Variants in CDK15 observed in about 807,000 individuals in gnomAD.
CDK15 encodes the protein cyclin dependent kinase 15.
Under a neutral mutation model 60.3 loss-of-function variants are expected in CDK15, and 62 were observed. The ratio of observed to expected loss-of-function variants is 1.03; its 90% CI spans 0.84 to 1.27. The LOEUF (loss-of-function observed/expected upper bound fraction) is 1.27. Ranked by LOEUF, CDK15 falls within the 50% of genes most tolerant of loss-of-function variation. CDK15 has a pLI of 0.00. For synonymous variants in CDK15, 194 were observed against 195.7 expected (o/e 0.99, Z 0.07); for missense variants, 541 against 527.8 (o/e 1.03, Z -0.25).
intron 8 of CDK15, among the ~76,000 whole-genome samples, chr2:201,838,296 C>A (rs115718069): frequency 0.015 from 2,353 of 151,988 alleles, 30 homozygotes; most frequent in African/African-American, 0.032. Flanking sequence ...TGGGTAGAGA[C>A]CAGGGATACT....
chr2:201,833,441 T>C (rs1370798772), intron 6 of CDK15, among the ~76,000 whole-genome samples: 1 of 152,196 alleles, frequency 6.6e-6, no homozygotes. Flanking sequence ...TTGTAAACTT[T>C]AGAATATCAT....
intron 6 of CDK15, among the ~76,000 whole-genome samples, chr2:201,825,517 A>G (rs550596566): frequency 1.1e-4 from 16 of 152,138 alleles, no homozygotes; most frequent in Non-Finnish European, 1.8e-4. Context: ...AAAAAAAATT[A>G]AAATACCAGT....
chr2:201,835,591 G>A, intron 7 of CDK15, 52 bp from the exon 8 acceptor site: 1 of 1,469,672 alleles, frequency 6.8e-7, no homozygotes, highest in South Asian at 1.5e-5. Context: ...GTGCATCATG[G>A]TGCAAGCCAA....
At chr2:201,867,918 C>G (rs1377824611) in intron 10 of CDK15, among the ~76,000 whole-genome samples, 1 of 152,196 alleles carries the variant, frequency 6.6e-6, no homozygotes, top group African/African-American at 2.4e-5. Flanking sequence ...GATTTGGAAA[C>G]TTCTCAATTA....
intron 6 of CDK15, chr2:201,824,742 C>A: frequency 1.6e-6 from 1 of 638,506 alleles, no homozygotes; most frequent in Non-Finnish European, 2.2e-6. Flanking sequence ...CATATATCAT[C>A]AAAGTTATCC....
chr2:201,892,969 A>T (rs1699684145), intron 13 of CDK15, among the ~76,000 whole-genome samples: 1 of 152,190 alleles, frequency 6.6e-6, no homozygotes, highest in Non-Finnish European at 1.5e-5. Flanking sequence ...ATAGAGGGGA[A>T]CTAAAATTTA....
chr2:201,814,976 A>G (rs1695928476), intron 4 of CDK15, among the ~76,000 whole-genome samples: 1 of 144,736 alleles, frequency 6.9e-6, no homozygotes, highest in African/African-American at 2.6e-5. Context: ...TTTGAGACGA[A>G]GTTTTGCTCT....
At chr2:201,862,253 G>T (rs1213999413) in intron 10 of CDK15, among the ~76,000 whole-genome samples, 3 of 152,188 alleles carry the variant, frequency 2.0e-5, no homozygotes, top group African/African-American at 7.2e-5. Flanking sequence ...TGGGTATCTA[G>T]TAAGGGCTAC....
chr2:201,861,546 G>A, intron 10 of CDK15: 1 of 928,076 alleles, frequency 1.1e-6, no homozygotes, highest in Non-Finnish European at 1.3e-6. Flanking sequence ...TTTTTTTGTT[G>A]GTTTGTTTTT....
At chr2:201,865,628 G>T (rs553466386) in intron 10 of CDK15, among the ~76,000 whole-genome samples, 1 of 152,224 alleles carries the variant, frequency 6.6e-6, no homozygotes, top group African/African-American at 2.4e-5. Context: ...AGTGGCTCAC[G>T]CCTTTAATCC....
Position 201,880,165 on chromosome 2 carries a change from A to G in CDK15, c.1196A>G (p.Asp399Gly). The G allele has an allele frequency of 1.2e-6, 2 of 1,613,764 alleles. No individual in the cohort carries two copies. The highest frequency in any genetic ancestry group is 1.7e-6 in the Non-Finnish European group (2 of 1,179,890). Residue 399 changes from aspartate to glycine, a missense_variant and splice_region_variant, in exon 12 of 14, where the codon GAT (aspartate) becomes GGT (glycine). Physicochemically the swap from Asp to Gly is moderately conservative, Grantham distance 94 (BLOSUM62 -1). Transcript: ENST00000652192. ...ALPSQLYQLP[D>G]EESLFTVSGV... is the part of the protein sequence containing the mutation. ...CCATCTCAGCTGTACCAGCTTCCTG[A>G]TGGTGAGCGAGGGAGTGTGTGCGTG...
chr2:201,824,809 T>C, intron 6 of CDK15: 1 of 678,700 alleles, frequency 1.5e-6, no homozygotes. Flanking sequence ...CCCTCAGCCA[T>C]CTGAAGGACA....
chr2:201,810,835 CTCTTTTTTTT>C (rs534127477), intron 3 of CDK15, among the ~76,000 whole-genome samples: 2,177 of 134,020 alleles, frequency 0.016, 27 homozygotes, highest in Non-Finnish European at 0.025. Context: ...ATGGTATGCA[CTCTTTTTTTT>C]TTTTTTTTTT....
At chr2:201,851,495 C>T in intron 9 of CDK15, among the ~76,000 whole-genome samples, 1 of 152,038 alleles carries the variant, frequency 6.6e-6, no homozygotes, top group East Asian at 1.9e-4. Flanking sequence ...ACGGGCCTGA[C>T]TGATTCCCTC....
chr2:201,825,540 G>C (rs564954433), intron 6 of CDK15, among the ~76,000 whole-genome samples: 1 of 152,258 alleles, frequency 6.6e-6, no homozygotes, highest in African/African-American at 2.4e-5. Flanking sequence ...GCTGTGTGGA[G>C]AATGGGATAG....
rs373198183 is a variant in CDK15, at chr2:201,826,458, CAA to C, written c.606+2753_606+2754del. 4.6e-3 allele frequency among the ~76,000 whole-genome samples: 361 copies of C among 78,162 alleles called. 1 individual carries two copies. Among genetic ancestry groups the C allele is most frequent in the Non-Finnish European group, 6.4e-3 (289 of 45,344 alleles). 51.3% of individuals were successfully genotyped at this position (78,162 alleles called of 152,430 possible). On this transcript the variant is annotated intron_variant, in intron 6 of 13. Transcript: ENST00000652192. ...TGGGCGACAGAGTGAGACTGCGTCT[CAA>C]AAAAAAAAAAAAAAAAAAAAAGTTT...
chr2:201,890,633 A>T, intron 12 of CDK15, 152 bp from the exon 13 acceptor site: 1 of 560,440 alleles, frequency 1.8e-6, no homozygotes, highest in Non-Finnish European at 3.1e-6. Context: ...CAGTAAAGTG[A>T]GTCATCTATG....
chr2:201,855,021 T>C (rs1374463622), intron 10 of CDK15, 84 bp downstream of exon 10: 2 of 1,264,696 alleles, frequency 1.6e-6, no homozygotes, highest in Non-Finnish European at 2.3e-6. Context: ...CGTTCTTGTA[T>C]TGTGAACTCA....
At chr2:201,886,256 T>C (rs1432622533) in intron 12 of CDK15, among the ~76,000 whole-genome samples, 1 of 152,160 alleles carries the variant, frequency 6.6e-6, no homozygotes, top group African/African-American at 2.4e-5. Flanking sequence ...CTCAATGCCA[T>C]CTTACTTTAG....
Sources: allele counts gnomAD v4.1 joint callset (sites outside exome capture counted in the v4.1 genomes callset), GRCh38; gene constraint gnomAD v4.1.1; transcripts MANE v1.5; gene names NCBI Gene and HGNC (gene_info 2026-07-23, HGNC 2026-07-21).